CACNA2D3: variants seen among roughly 807,000 people sequenced by gnomAD.
The protein encoded by CACNA2D3 is voltage-dependent calcium channel subunit alpha-2/delta-3.
CACNA2D3 carries 60 observed loss-of-function variants against 160.6 expected under a neutral mutation model. The ratio of observed to expected loss-of-function variants is 0.37; its 90% CI spans 0.30 to 0.46. CACNA2D3 has a LOEUF of 0.46. Ranked by LOEUF, CACNA2D3 falls within the 20% of genes least tolerant of loss-of-function variation. CACNA2D3 has a pLI of 1.00. For missense variants in CACNA2D3, 1,205 were observed against 1,365.0 expected (o/e 0.88, Z 1.85); for synonymous variants, 558 against 492.9 (o/e 1.13, Z -1.75).
chr3:54,511,416 T>C lies in CACNA2D3; in HGVS notation c.544+7762T>C, dbSNP rs140719509. ...AATAGAAATGCGCTTCTAAGGATGT[T>C]GTTGAATTGAACTGAATCCTCTTAT... On this transcript the variant is annotated intron_variant, in intron 5 of 37. Coordinates refer to ENST00000474759, the MANE Select transcript of CACNA2D3 (RefSeq NM_018398.3). Among the ~76,000 whole-genome samples, 1,150 of 152,302 alleles carry C rather than the reference T, an allele frequency of 7.6e-3. 11 individuals carry two copies. Among genetic ancestry groups the C allele is most frequent in the African/African-American group, 0.025 (1,045 of 41,548 alleles).
chr3:54,565,587 G>A (rs956871132), intron 6 of CACNA2D3, among the ~76,000 whole-genome samples: 7 of 152,142 alleles, frequency 4.6e-5, no homozygotes, highest in Non-Finnish European at 8.8e-5. Context: ...TGGCCACACA[G>A]GGGTAGTGAG....
chr3:54,885,713 C>G (rs1699908888), intron 23 of CACNA2D3, 127 bp downstream of exon 23: 1 of 674,782 alleles, frequency 1.5e-6, no homozygotes, highest in Non-Finnish European at 2.7e-6. Context: ...CACATGAAAT[C>G]TAATCAAATA....
chr3:54,968,240 G>A (rs529103576), intron 27 of CACNA2D3, among the ~76,000 whole-genome samples: 1 of 152,240 alleles, frequency 6.6e-6, no homozygotes, highest in South Asian at 2.1e-4. Context: ...GCACTGTGCT[G>A]TTTGTTTTGT....
intron 10 of CACNA2D3, among the ~76,000 whole-genome samples, chr3:54,637,440 A>G (rs1447801942): frequency 2.6e-5 from 4 of 151,880 alleles, no homozygotes; most frequent in Non-Finnish European, 4.4e-5. Context: ...GAAGCAGACA[A>G]TTTAGTTAAA....
intron 27 of CACNA2D3, among the ~76,000 whole-genome samples, chr3:54,906,475 GTCA>G (rs1163357054): frequency 1.3e-5 from 2 of 152,196 alleles, no homozygotes; most frequent in African/African-American, 2.4e-5. Flanking sequence ...GCAGTCTGCA[GTCA>G]TCATGCAAAG....
rs201585683 is a variant in CACNA2D3, at chr3:54,123,583, C to G, written c.193C>G (p.Leu65Val). ...SIAAKYSGSQ[L>V]LQKKYKEYEK... is the part of the protein sequence containing the mutation. ...TGCTGCTAAGTACTCCGGTTCCCAG[C>G]TTCTGCAAAAGGTAAGGTTTCTGTG... Residue 65 changes from leucine (L) to valine (V), a missense_variant, in exon 2 of 38, where the codon CTT becomes GTT. Physicochemically the swap from Leu to Val is conservative, Grantham distance 32. Transcript: ENST00000474759. The G allele has an allele frequency of 1.2e-4, 189 of 1,613,412 alleles. 1 individual carries two copies. The highest frequency in any genetic ancestry group is 3.5e-5 in the Non-Finnish European group (41 of 1,179,562).
At chr3:54,498,582 T>C (rs891291144) in intron 4 of CACNA2D3, among the ~76,000 whole-genome samples, 13 of 151,982 alleles carry the variant, frequency 8.6e-5, no homozygotes. Flanking sequence ...TTTCTGTACT[T>C]ATCTCTATTA....
intron 9 of CACNA2D3, among the ~76,000 whole-genome samples, chr3:54,615,026 C>T (rs1363488290): frequency 6.6e-6 from 1 of 152,110 alleles, no homozygotes; most frequent in Admixed American, 6.5e-5. Flanking sequence ...TTTTGAAAAC[C>T]AGTAAAGAAA....
intron 3 of CACNA2D3, among the ~76,000 whole-genome samples, chr3:54,327,537 T>A (rs1207259173): frequency 6.6e-6 from 1 of 152,258 alleles, no homozygotes; most frequent in Non-Finnish European, 1.5e-5. Flanking sequence ...GACTAAACGC[T>A]TTCCATTTGC....
chr3:54,506,120 A>G (rs1410284055), intron 5 of CACNA2D3, among the ~76,000 whole-genome samples: 1 of 152,080 alleles, frequency 6.6e-6, no homozygotes, highest in Non-Finnish European at 1.5e-5. Flanking sequence ...CAGGGACTTC[A>G]GGCAAATTCC....
intron 4 of CACNA2D3, among the ~76,000 whole-genome samples, chr3:54,442,907 A>G (rs1273617730): frequency 1.3e-5 from 2 of 152,224 alleles, no homozygotes. Flanking sequence ...AAATGGGGAC[A>G]GAACTCAAGA....
At chr3:54,690,977 G>A (rs1415658988) in intron 11 of CACNA2D3, among the ~76,000 whole-genome samples, 1 of 152,094 alleles carries the variant, frequency 6.6e-6, no homozygotes, top group South Asian at 2.1e-4. Flanking sequence ...GTGGTGTGTG[G>A]CCTACAAATG....
Position 54,449,728 on chromosome 3 carries a change from CCTCA to C in CACNA2D3, c.382-53760_382-53757del, listed in dbSNP as rs1325036352. ...TGTCCCTGCTCTGCCATGTAAGATG[CCTCA>C]CTCCCCTTTTGCCTTCCACCATGAT... On this transcript the variant is annotated intron_variant, in intron 4 of 37. Transcript: ENST00000474759. Among the ~76,000 whole-genome samples the C allele has an allele frequency of 2.0e-5, 3 of 152,292 alleles. No individual in the cohort carries two copies. The East Asian group carries it at 5.8e-4, about 29-fold the overall frequency.
chr3:54,703,414 C>A (rs1700802378), intron 11 of CACNA2D3, among the ~76,000 whole-genome samples: 1 of 152,036 alleles, frequency 6.6e-6, no homozygotes, highest in African/African-American at 2.4e-5. Context: ...AAAGTAGTTT[C>A]TAGATTCTTG....
intron 3 of CACNA2D3, among the ~76,000 whole-genome samples, chr3:54,345,274 C>T (rs1698435959): frequency 6.6e-6 from 1 of 152,212 alleles, no homozygotes; most frequent in Non-Finnish European, 1.5e-5. Context: ...GGATCGGGAC[C>T]CCTTTCCTGT....
At chr3:54,734,802 G>C (rs116412860) in intron 11 of CACNA2D3, among the ~76,000 whole-genome samples, 108 of 152,280 alleles carry the variant, frequency 7.1e-4, no homozygotes, top group Non-Finnish European at 1.4e-3. Flanking sequence ...GCTTCACTCT[G>C]GGCTATTACA....
intron 13 of CACNA2D3, among the ~76,000 whole-genome samples, chr3:54,809,001 C>G (rs1029837449): frequency 7.9e-5 from 12 of 152,170 alleles, no homozygotes; most frequent in Non-Finnish European, 1.3e-4. Flanking sequence ...TATGCATTAG[C>G]TCGTTTAATC....
At chr3:54,259,375 C>A (rs1290373879) in intron 2 of CACNA2D3, among the ~76,000 whole-genome samples, 2 of 152,116 alleles carry the variant, frequency 1.3e-5, no homozygotes, top group Non-Finnish European at 2.9e-5. Flanking sequence ...CAGCTCTGAT[C>A]CACAATTGTG....
At chr3:54,817,991 T>C (rs976507964) in intron 14 of CACNA2D3, among the ~76,000 whole-genome samples, 2 of 152,318 alleles carry the variant, frequency 1.3e-5, no homozygotes, top group East Asian at 3.9e-4. Context: ...GAAGGCTCAA[T>C]GTCTTTGATA....
Sources: allele counts gnomAD v4.1 joint callset (sites outside exome capture counted in the v4.1 genomes callset), GRCh38; gene constraint gnomAD v4.1.1; transcripts MANE v1.5; gene names NCBI Gene and HGNC (gene_info 2026-07-23, HGNC 2026-07-21).